The following LSM5 variants were observed in gnomAD, a reference collection of about 807,000 sequenced individuals.
LSM5 encodes U6 snRNA-associated Sm-like protein LSm5.
Under a neutral mutation model 13.8 loss-of-function variants are expected in LSM5, and 8 were observed. That is an observed-to-expected ratio of 0.58 (90% CI 0.34 to 1.04). LSM5 has a LOEUF of 1.04. Among genes scored for constraint, LSM5 ranks in the 50% least tolerant of loss-of-function variants. LSM5 has a pLI of 0.03. For synonymous variants in LSM5, 35 were observed against 37.0 expected (o/e 0.95, Z 0.20); for missense variants, 80 against 108.1 (o/e 0.74, Z 1.15).
chr7:32,489,397 A>C (rs1038942709), intron 1 of LSM5, 53 bp from the exon 2 acceptor site: 61 of 1,000,976 alleles, frequency 6.1e-5, no homozygotes, highest in Non-Finnish European at 9.0e-5. Context: ...CAAATATTTG[A>C]GTGCCTACTG....
upstream of LSM5, among the ~76,000 whole-genome samples, chr7:32,492,785 T>C (rs1417599125): frequency 6.6e-6 from 1 of 152,224 alleles, no homozygotes; most frequent in Non-Finnish European, 1.5e-5. Flanking sequence ...TCAAGGATTT[T>C]TCTCCCTTTA....
chr7:32,488,534 G>A (rs1217368509), intron 3 of LSM5, 91 bp downstream of exon 3: 14 of 851,784 alleles, frequency 1.6e-5, no homozygotes, highest in Non-Finnish European at 2.6e-5. Flanking sequence ...CCACCAAGAG[G>A]TAATGTTTTC....
upstream of LSM5, among the ~76,000 whole-genome samples, chr7:32,493,546 C>A (rs201691020): frequency 5.5e-5 from 2 of 36,306 alleles, no homozygotes; most frequent in East Asian, 3.4e-3. Flanking sequence ...CTCTCCCTTT[C>A]TTTATTTTTT....
chr7:32,490,254 C>G, intron 1 of LSM5, 66 bp downstream of exon 1: 1 of 1,613,878 alleles, frequency 6.2e-7, no homozygotes. Context: ...TGCCTCGGAA[C>G]AGCCCCTCGG....
rs1275977673 is a variant in LSM5, at chr7:32,486,114, G to A, written c.*1147C>T. ...ATACATTGGCACAAACTTTTTCTTG[G>A]CAACACAATATATACCCTTTGATCT... On this transcript the variant is annotated 3_prime_UTR_variant, in exon 5 of 5. Coordinates refer to ENST00000450169, the MANE Select transcript of LSM5 (RefSeq NM_012322.3). 6.6e-6 allele frequency: 1 copy of A among 152,112 alleles called. No homozygotes were observed. The highest frequency in any genetic ancestry group is 1.5e-5 in the Non-Finnish European group (1 of 68,016). 9.4% of individuals were successfully genotyped at this position (152,112 alleles called of 1,614,324 possible).
chr7:32,489,021 G>A (rs991472023), intron 2 of LSM5, among the ~76,000 whole-genome samples: 7 of 152,172 alleles, frequency 4.6e-5, no homozygotes, highest in South Asian at 2.1e-4. Context: ...CACTGGGCTC[G>A]CCTGTTCAGT....
chr7:32,486,944 CAAAT>C lies in LSM5; in HGVS notation c.*313_*316del, dbSNP rs147731921. 3.3e-3 allele frequency: 1,054 copies of C among 319,910 alleles called. 10 individuals are homozygous for C. Among genetic ancestry groups the C allele is most frequent in the African/African-American group, 0.021 (958 of 45,496 alleles). The allele number at this position is 319,910 out of a possible 1,614,324, so 19.8% of individuals were successfully genotyped here. On this transcript the variant is annotated 3_prime_UTR_variant, in exon 5 of 5. Transcript: ENST00000450169. The stretch of plus-strand genomic sequence containing the variant: ...TCAAATGGTCACGTAAATGACAAAA[CAAAT>C]AAGCATATAATGACAGAAAAGTAAG...
At chr7:32,489,604 C>CA (rs1562738560) in intron 1 of LSM5, 1 of 405,360 alleles carries the variant, frequency 2.5e-6, no homozygotes, top group Non-Finnish European at 4.4e-6. Flanking sequence ...TCACCAACTA[C>CA]AAAAATATAA....
chr7:32,488,888 C>A (rs964342873), intron 2 of LSM5, among the ~76,000 whole-genome samples: 1 of 152,102 alleles, frequency 6.6e-6, no homozygotes, highest in Non-Finnish European at 1.5e-5. Context: ...CCATGCCCAG[C>A]TAATTTTTGT....
chr7:32,493,832 C>T (rs997535919), upstream of LSM5, among the ~76,000 whole-genome samples: 3 of 151,546 alleles, frequency 2.0e-5, no homozygotes, highest in African/African-American at 7.3e-5. Context: ...TGAGCCACCA[C>T]GCCTGACCCT....
chr7:32,492,200 A>T (rs1215877624), upstream of LSM5, among the ~76,000 whole-genome samples: 3 of 151,880 alleles, frequency 2.0e-5, no homozygotes, highest in Non-Finnish European at 4.4e-5. Flanking sequence ...GAGAATTCAA[A>T]ACATTGTTGT....
chr7:32,490,593 T>C (rs1227915327), upstream of LSM5: 38 of 571,156 alleles, frequency 6.7e-5, no homozygotes, highest in East Asian at 1.1e-3. Context: ...CATAATGCCC[T>C]TGAAGTTTTG....
upstream of LSM5, chr7:32,490,381 G>A (rs574361496): frequency 1.2e-6 from 2 of 1,605,510 alleles, no homozygotes; most frequent in Admixed American, 1.7e-5. Flanking sequence ...CGCCGGAAGT[G>A]GCCTGCCTTC....
chr7:32,485,568 G>A lies in LSM5; in HGVS notation c.*1693C>T, dbSNP rs565988395. The A allele has an allele frequency of 1.3e-5, 2 of 152,216 alleles. No individual in the cohort carries two copies. Among genetic ancestry groups the A allele is most frequent in the South Asian group, 4.1e-4 (2 of 4,824 alleles). 9.4% of individuals were successfully genotyped at this position (152,216 alleles called of 1,614,324 possible). A position where few individuals can be genotyped will look rare whatever the true frequency, so the allele number is the denominator to read the frequency against. On this transcript the variant is annotated 3_prime_UTR_variant, in exon 5 of 5. Coordinates refer to ENST00000450169, the MANE Select transcript of LSM5 (RefSeq NM_012322.3). The stretch of plus-strand genomic sequence containing the variant: ...GTAAGAAAAAGACAAACATCTCAAT[G>A]GCAAAAGCCTCAACAGATAAGTCAT...
At chr7:32,489,576 C>A in intron 1 of LSM5, 1 of 456,866 alleles carries the variant, frequency 2.2e-6, no homozygotes, top group Non-Finnish European at 3.9e-6. Context: ...CGGCCACGAC[C>A]ACTAGTTCAA....
intron 4 of LSM5, 115 bp downstream of exon 4, chr7:32,487,570 T>C: frequency 1.4e-6 from 1 of 720,678 alleles, no homozygotes; most frequent in Non-Finnish European, 2.5e-6. Flanking sequence ...TCCCATCTTA[T>C]GCACCACTGG....
At position 32,487,312 on chromosome 7, in the gene LSM5, G is replaced by A. The variant is rs759261677; in HGVS notation, c.244-19C>T. ...GAACCAGCTGCATAAAGAGGAAAAA[G>A]AGTTTATTAATAACACTACCACCAT... On this transcript the variant is annotated intron_variant, in intron 4 of 4. Coordinates refer to ENST00000450169, the MANE Select transcript of LSM5 (RefSeq NM_012322.3). 2 of 1,611,014 alleles carry A rather than the reference G, an allele frequency of 1.2e-6. No individual in the cohort carries two copies. Among genetic ancestry groups the A allele is most frequent in the East Asian group, 2.2e-5 (1 of 44,838 alleles).
chr7:32,488,762 C>T, intron 2 of LSM5, 110 bp from the exon 3 acceptor site: 1 of 752,154 alleles, frequency 1.3e-6, no homozygotes, highest in South Asian at 1.6e-5. Flanking sequence ...CTCGCTCTGT[C>T]ATCCAGGCTT....
upstream of LSM5, chr7:32,490,596 A>C: frequency 1.8e-6 from 1 of 570,332 alleles, no homozygotes; most frequent in Non-Finnish European, 3.3e-6. Context: ...AATGCCCTTG[A>C]AGTTTTGGAG....
Sources: allele counts gnomAD v4.1 joint callset (sites outside exome capture counted in the v4.1 genomes callset), GRCh38; gene constraint gnomAD v4.1.1; transcripts MANE v1.5; gene names NCBI Gene and HGNC (gene_info 2026-07-23, HGNC 2026-07-21).